TEX9: variants seen among roughly 807,000 people sequenced by gnomAD.
TEX9 encodes the protein testis expressed 9, also known as testis-expressed protein 9.
In TEX9, 74 loss-of-function variants were observed where a neutral mutation model predicts 59.6. That is an observed-to-expected ratio of 1.24 (90% CI 1.03 to 1.51). The LOEUF (loss-of-function observed/expected upper bound fraction) is 1.51. Ranked by LOEUF, TEX9 falls within the 40% of genes most tolerant of loss-of-function variation. The pLI is 0.00. For missense variants in TEX9, 522 were observed against 447.8 expected, an observed-to-expected ratio of 1.17 and a Z score of -1.49; for synonymous variants, 186 against 152.2, an observed-to-expected ratio of 1.22 and a Z score of -1.64.
chr15:56,261,233 C>T (rs2044257781), intron 1 of TEX9, among the ~76,000 whole-genome samples: 2 of 151,854 alleles, frequency 1.3e-5, no homozygotes, highest in South Asian at 2.1e-4. Flanking sequence ...TTATTGTTTT[C>T]ATTTTTATTA....
At chr15:56,324,835 C>T (rs138538628) in intron 1 of TEX9, among the ~76,000 whole-genome samples, 133 of 152,258 alleles carry the variant, frequency 8.7e-4, no homozygotes, top group African/African-American at 3.0e-3. Flanking sequence ...AAAAGTGGGG[C>T]TTTAGCAAGC....
At chr15:56,398,369 T>G (rs1433696194) in intron 9 of TEX9, 1 of 152,196 alleles carries the variant, frequency 6.6e-6, no homozygotes, top group Non-Finnish European at 1.5e-5. Flanking sequence ...CTACTAGAAA[T>G]TTTGTAATTA....
chr15:56,438,731 T>C (rs1487326366), intron 12 of TEX9, among the ~76,000 whole-genome samples: 1 of 152,164 alleles, frequency 6.6e-6, no homozygotes, highest in Non-Finnish European at 1.5e-5. Flanking sequence ...GAGAAAATTT[T>C]TGCAATCTAC....
intron 1 of TEX9, among the ~76,000 whole-genome samples, chr15:56,268,933 T>G (rs1277789875): frequency 1.3e-5 from 2 of 152,174 alleles, no homozygotes; most frequent in East Asian, 3.8e-4. Context: ...TGGTAGAATT[T>G]GGCTGTGAAT....
At chr15:56,444,424 G>A (rs759701819) in intron 12 of TEX9, 2 of 1,584,318 alleles carry the variant, frequency 1.3e-6, no homozygotes. Context: ...AGACATGTAA[G>A]AAAGTTAGGA....
Position 56,323,234 on chromosome 15 carries a change from C to A in TEX9, c.-106-50207C>A. 3 of 216,990 alleles carry A rather than the reference C, an allele frequency of 1.4e-5. No individual in the cohort carries two copies. In the South Asian group the frequency reaches 2.4e-4, roughly 17 times the overall value. The allele number at this position is 216,990 out of a possible 1,614,324, so 13.4% of individuals were successfully genotyped here. A position where few individuals can be genotyped will look rare whatever the true frequency, so the allele number is the denominator to read the frequency against. On this transcript the variant is annotated intron_variant, in intron 1 of 5. Coordinates refer to the TEX9 transcript ENST00000560827. ...ATGCTTCAGTCAACTTCTCAAAGTT[C>A]TCTAAGAAGTGCTCAGAGTAGTGGA... is the stretch of plus-strand genomic sequence containing the variant.
chr15:56,389,278 A>C, intron 5 of TEX9, 40 bp from the exon 6 acceptor site: 2 of 1,497,378 alleles, frequency 1.3e-6, no homozygotes, highest in Non-Finnish European at 1.9e-6. Flanking sequence ...GCAAATGATT[A>C]GACTCTAATT....
intron 9 of TEX9, among the ~76,000 whole-genome samples, chr15:56,410,439 T>C (rs547231679): frequency 6.6e-6 from 1 of 152,176 alleles, no homozygotes; most frequent in South Asian, 2.1e-4. Context: ...ATTTGAATTT[T>C]AATGTTAAAT....
chr15:56,427,174 A>T (rs960780382), intron 10 of TEX9, among the ~76,000 whole-genome samples: 2 of 152,178 alleles, frequency 1.3e-5, no homozygotes, highest in African/African-American at 4.8e-5. Flanking sequence ...AGAAGAAGCT[A>T]GTTGAATGTG....
intron 12 of TEX9, among the ~76,000 whole-genome samples, chr15:56,433,100 A>G (rs1357531186): frequency 6.6e-6 from 1 of 152,144 alleles, no homozygotes; most frequent in Non-Finnish European, 1.5e-5. Flanking sequence ...GGGCCACCAA[A>G]TCATTTTGGG....
chr15:56,352,463 G>T (rs1449921993), intron 1 of TEX9, among the ~76,000 whole-genome samples: 3 of 151,710 alleles, frequency 2.0e-5, no homozygotes, highest in Non-Finnish European at 2.9e-5. Context: ...ATGTTGGCCA[G>T]GCTGGTCTTG....
chr15:56,317,485 C>T (rs1261681329), intron 1 of TEX9, among the ~76,000 whole-genome samples: 1 of 152,160 alleles, frequency 6.6e-6, no homozygotes, highest in Non-Finnish European at 1.5e-5. Context: ...AAAGAACCAA[C>T]TTCTATTGAT....
intron 1 of TEX9, chr15:56,249,245 A>G (rs2043947578): frequency 6.6e-6 from 1 of 152,088 alleles, no homozygotes; most frequent in Admixed American, 6.5e-5. Context: ...CTAGGCAGAA[A>G]GTTGTCTGAC....
intron 1 of TEX9, among the ~76,000 whole-genome samples, chr15:56,272,347 A>G (rs1321049682): frequency 6.6e-6 from 1 of 152,158 alleles, no homozygotes. Context: ...TATTATGGAT[A>G]TTTCATATAA....
intron 1 of TEX9, among the ~76,000 whole-genome samples, chr15:56,347,045 G>A (rs569361788): frequency 1.8e-4 from 27 of 152,096 alleles, no homozygotes; most frequent in Non-Finnish European, 4.0e-4. Flanking sequence ...GACTTGTATG[G>A]TGAAATCTGC....
At chr15:56,394,368 A>G in intron 8 of TEX9, 121 bp downstream of exon 8, 1 of 847,916 alleles carries the variant, frequency 1.2e-6, no homozygotes, top group Non-Finnish European at 1.8e-6. Flanking sequence ...TGAATTCAAA[A>G]ATTGTATATA....
At chr15:56,455,474 A>C in the TEX9 span, among the ~76,000 whole-genome samples, 1 of 152,186 alleles carries the variant, frequency 6.6e-6, no homozygotes, top group Non-Finnish European at 1.5e-5. Context: ...AAGGTTCAAA[A>C]TCCATGAAGC....
At chr15:56,362,357 T>C (rs569854979), upstream of TEX9, among the ~76,000 whole-genome samples, 1 of 152,340 alleles carries the variant, frequency 6.6e-6, no homozygotes, top group East Asian at 1.9e-4. Context: ...ACACCAGGAT[T>C]GTTCTATCCC....
intron 1 of TEX9, among the ~76,000 whole-genome samples, chr15:56,311,144 T>TTTTTTTTTTTTAATTTC (rs2045603093): frequency 6.6e-5 from 5 of 75,862 alleles, no homozygotes; most frequent in African/African-American, 1.9e-4. Flanking sequence ...TTTTAATTTC[T>TTTTTTTTTTTTAATTTC]TTTTTTTTTT....
Sources: allele counts gnomAD v4.1 joint callset (sites outside exome capture counted in the v4.1 genomes callset), GRCh38; gene constraint gnomAD v4.1.1; transcripts MANE v1.5; gene names NCBI Gene and HGNC (gene_info 2026-07-23, HGNC 2026-07-21).